The following XRCC4 variants were observed in gnomAD, a reference collection of about 807,000 sequenced individuals.
XRCC4 encodes the protein X-ray repair cross complementing 4, also known as DNA repair protein XRCC4.
A neutral mutation model predicts 39.1 loss-of-function variants in XRCC4; 28 were observed. The ratio of observed to expected loss-of-function variants is 0.72; its 90% CI spans 0.53 to 0.98. The LOEUF (loss-of-function observed/expected upper bound fraction) is 0.98, where lower values mean the gene tolerates loss of function less well. Among genes scored for constraint, XRCC4 ranks in the 50% least tolerant of loss-of-function variants. The pLI, the probability that XRCC4 is intolerant of heterozygous loss-of-function variation, is 0.00. For synonymous variants in XRCC4, 123 were observed against 126.4 expected, an observed-to-expected ratio of 0.97 and a Z score of 0.18; for missense variants, 350 against 376.4, an observed-to-expected ratio of 0.93 and a Z score of 0.58.
At chr5:83,360,423 G>A in the XRCC4 span, among the ~76,000 whole-genome samples, 1 of 152,104 alleles carries the variant, frequency 6.6e-6, no homozygotes, top group Non-Finnish European at 1.5e-5. Flanking sequence ...GTATAATACA[G>A]TATATTTCTC....
At chr5:83,205,588 A>G (rs996218249) in intron 6 of XRCC4, among the ~76,000 whole-genome samples, 4 of 152,178 alleles carry the variant, frequency 2.6e-5, no homozygotes, top group Admixed American at 2.0e-4. Flanking sequence ...AACCAATACT[A>G]TTAAAATAAA....
At chr5:83,147,390 C>T (rs1437072212) in intron 3 of XRCC4, among the ~76,000 whole-genome samples, 1 of 152,130 alleles carries the variant, frequency 6.6e-6, no homozygotes, top group Non-Finnish European at 1.5e-5. Context: ...CAAGGAAATA[C>T]TGTCACTTGT....
At position 83,353,256 on chromosome 5, in the gene XRCC4, T is replaced by C; in HGVS notation, c.*14T>C. 1 of 1,550,258 alleles carries C rather than the reference T, an allele frequency of 6.5e-7. No individual in the cohort carries two copies. Among genetic ancestry groups the C allele is most frequent in the South Asian group, 1.2e-5 (1 of 85,240 alleles). On this transcript the variant is annotated 3_prime_UTR_variant, in exon 8 of 8. Coordinates refer to ENST00000396027, the MANE Select transcript of XRCC4 (RefSeq NM_003401.5). ...GATGAGATTTAACAGTCTCAAAAAA[T>C]ACTTTGATGTTCACTAGACTATGTT...
intron 6 of XRCC4, among the ~76,000 whole-genome samples, chr5:83,235,409 C>T (rs1228474630): frequency 6.8e-6 from 1 of 146,622 alleles, no homozygotes; most frequent in Admixed American, 6.8e-5. Flanking sequence ...GATGTTTCAA[C>T]ATATGCAAAT....
chr5:83,224,743 C>CTCT (rs1752224572), intron 6 of XRCC4, among the ~76,000 whole-genome samples: 1 of 152,032 alleles, frequency 6.6e-6, no homozygotes, highest in African/African-American at 2.4e-5. Context: ...TTTTCATCAC[C>CTCT]TCTTCATTGT....
intron 6 of XRCC4, among the ~76,000 whole-genome samples, chr5:83,249,473 GCCAAATTATAT>G (rs1753231134): frequency 6.6e-6 from 1 of 152,042 alleles, no homozygotes; most frequent in South Asian, 2.1e-4. Flanking sequence ...CTACAAACTG[GCCAAATTATAT>G]CACAGAGGCA....
intron 3 of XRCC4, among the ~76,000 whole-genome samples, chr5:83,116,047 T>G (rs530941604): frequency 2.3e-4 from 35 of 152,282 alleles, no homozygotes; most frequent in Admixed American, 2.2e-3. Flanking sequence ...TTCTGCAGAC[T>G]GATTTCAGAG....
At chr5:83,119,777 G>C (rs10036501) in intron 3 of XRCC4, among the ~76,000 whole-genome samples, 23,124 of 151,934 alleles carry the variant, frequency 0.15, 5,635 homozygotes, top group African/African-American at 0.52. Context: ...TTCAAGACCA[G>C]CCTGGACAAT....
At chr5:83,110,035 A>T (rs530036197) in intron 2 of XRCC4, among the ~76,000 whole-genome samples, 2 of 152,078 alleles carry the variant, frequency 1.3e-5, no homozygotes, top group East Asian at 1.9e-4. Flanking sequence ...TTTGCCTCAA[A>T]TGTAAAAATC....
intron 3 of XRCC4, among the ~76,000 whole-genome samples, chr5:83,144,243 T>G (rs1408106869): frequency 6.6e-6 from 1 of 150,704 alleles, no homozygotes; most frequent in Non-Finnish European, 1.5e-5. Context: ...ATTTCCTTCT[T>G]TTTTCTGGCT....
At chr5:83,336,260 G>C (rs1475493686) in intron 7 of XRCC4, among the ~76,000 whole-genome samples, 2 of 152,074 alleles carry the variant, frequency 1.3e-5, no homozygotes, top group Non-Finnish European at 2.9e-5. Flanking sequence ...GTTGAATTCA[G>C]CTAAATATTT....
chr5:83,135,823 C>A (rs1747871127), intron 3 of XRCC4, among the ~76,000 whole-genome samples: 1 of 151,934 alleles, frequency 6.6e-6, no homozygotes, highest in African/African-American at 2.4e-5. Context: ...ATTGTAATAA[C>A]CTTTAATGAC....
chr5:83,360,254 A>G, the XRCC4 span, among the ~76,000 whole-genome samples: 1 of 152,120 alleles, frequency 6.6e-6, no homozygotes, highest in Admixed American at 6.6e-5. Flanking sequence ...TAGATAATCT[A>G]CTGGGACAAG....
At chr5:83,192,536 C>G (rs551226975) in intron 3 of XRCC4, among the ~76,000 whole-genome samples, 3 of 152,020 alleles carry the variant, frequency 2.0e-5, no homozygotes, top group Non-Finnish European at 2.9e-5. Context: ...GTCTCAAACT[C>G]TTGAGCTCAG....
intron 1 of XRCC4, among the ~76,000 whole-genome samples, chr5:83,088,431 T>C (rs1160141359): frequency 2.6e-5 from 4 of 152,154 alleles, no homozygotes; most frequent in Non-Finnish European, 5.9e-5. Context: ...GAATGACTGG[T>C]AGATGGAGTG....
intron 3 of XRCC4, among the ~76,000 whole-genome samples, chr5:83,165,591 G>C (rs1321890822): frequency 1.3e-5 from 2 of 152,006 alleles, no homozygotes; most frequent in African/African-American, 4.8e-5. Flanking sequence ...ATTAAGCCTA[G>C]TACCCATTTT....
chr5:83,226,802 G>A (rs1752308069), intron 6 of XRCC4, among the ~76,000 whole-genome samples: 1 of 152,126 alleles, frequency 6.6e-6, no homozygotes, highest in South Asian at 2.1e-4. Flanking sequence ...CTGATCTGTA[G>A]ACAGATGTTT....
At chr5:83,230,251 A>C (rs1752448742) in intron 6 of XRCC4, among the ~76,000 whole-genome samples, 1 of 152,042 alleles carries the variant, frequency 6.6e-6, no homozygotes. Flanking sequence ...TTAAGAAACA[A>C]ATTTCAAAGA....
chr5:83,114,279 C>G (rs560006988), intron 3 of XRCC4, among the ~76,000 whole-genome samples: 1 of 152,306 alleles, frequency 6.6e-6, no homozygotes, highest in South Asian at 2.1e-4. Context: ...CATTTGGCTC[C>G]TTATTACTTA....
Sources: gnomAD v4.1 joint callset for allele counts (sites outside exome capture counted in the v4.1 genomes callset) on GRCh38, gnomAD v4.1.1 for gene constraint, MANE v1.5 for transcripts, NCBI Gene and HGNC (gene_info 2026-07-23, HGNC 2026-07-21) for gene names.